GCC2: variants seen among roughly 807,000 people sequenced by gnomAD.
GCC2 encodes GRIP and coiled-coil domain containing 2, also known as GRIP and coiled-coil domain-containing protein 2.
Under a neutral mutation model 210.6 loss-of-function variants are expected in GCC2, and 120 were observed. That is an observed-to-expected ratio of 0.57 (90% CI 0.49 to 0.66). GCC2 has a LOEUF of 0.66. Among genes scored for constraint, GCC2 ranks in the 30% least tolerant of loss-of-function variants. The probability of loss-of-function intolerance (pLI) is 0.00; values close to 1 mark genes in which losing one functional copy is unlikely to be tolerated. For missense variants in GCC2, 1,868 were observed against 1,871.9 expected (o/e 1.00, Z 0.04); for synonymous variants, 703 against 652.7 (o/e 1.08, Z -1.17).
chr2:108,480,508 T>C (rs1224408534), intron 9 of GCC2, among the ~76,000 whole-genome samples: 1 of 152,162 alleles, frequency 6.6e-6, no homozygotes, highest in Non-Finnish European at 1.5e-5. Context: ...CCGAAAGGCC[T>C]GTCAGTGGTA....
In GCC2 at chr2:108,495,324, T is replaced by G. The variant is rs1257526463; in HGVS notation, c.4481T>G (p.Leu1494Arg). ...PVSSQQSLKN[L>R]RERRNTDLPL... Reference sequence around the variant, plus strand: ...TCCTCTCAACAATCTTTGAAGAACCTTCGAGAAAGGAGAAACACAGACCTC... The same window carrying G: ...TCCTCTCAACAATCTTTGAAGAACCGTCGAGAAAGGAGAAACACAGACCTC... The change falls in exon 20 of 23, where the codon CTT becomes CGT. Residue 1494 changes from leucine (L) to arginine (R), a missense_variant. By Grantham distance (102) the Leu-to-Arg change is moderately radical. Around this residue, in one of 3 missense-constraint regions of GCC2, gnomAD observed 1,847 missense variants for 1,765.2 expected, o/e 1.05. Transcript: ENST00000309863. 4 of 1,580,566 alleles carry G rather than the reference T, an allele frequency of 2.5e-6. No individual in the cohort carries two copies. In the South Asian group the frequency reaches 4.5e-5, roughly 18 times the overall value.
In GCC2 at chr2:108,453,508, A is replaced by G. The variant is rs189491579; in HGVS notation, c.216+1042A>G. 2.0e-5 allele frequency among the ~76,000 whole-genome samples: 3 copies of G among 152,258 alleles called. No homozygotes were observed. In the East Asian group the frequency reaches 5.8e-4, roughly 29 times the overall value. On this transcript the variant is annotated intron_variant, in intron 4 of 22. Transcript: ENST00000309863. ...GTTTAAAAACCTGAGTTGCAGGCCA[A>G]ATGCAGTGGCTCACACCTGTAATCC... is the stretch of plus-strand genomic sequence containing the variant.
chr2:108,485,671 A>G lies in GCC2; in HGVS notation c.3649A>G (p.Lys1217Glu), dbSNP rs776419181. The G allele has an allele frequency of 5.0e-6, 8 of 1,595,066 alleles. No homozygotes were observed. The highest frequency in any genetic ancestry group is 6.0e-6 in the Non-Finnish European group (7 of 1,172,218). Residue 1217 changes from lysine (K) to glutamate (E), a missense_variant, in exon 14 of 23, where the codon AAA (lysine) becomes GAA (glutamate). Coordinates refer to ENST00000309863, the MANE Select transcript of GCC2 (RefSeq NM_181453.4). ...GTCTTCAGTACAACAATATGAAGAA[A>G]AAAACACCAAAATCAAGCAATTGCT... is the stretch of plus-strand genomic sequence containing the variant. ...LQSSVQQYEE[K>E]NTKIKQLLVK...
At chr2:108,454,442 A>C (rs1247232017) in intron 4 of GCC2, among the ~76,000 whole-genome samples, 2 of 152,224 alleles carry the variant, frequency 1.3e-5, no homozygotes, top group Non-Finnish European at 2.9e-5. Context: ...ACAGTGTATG[A>C]AGCTAGAATG....
chr2:108,462,004 T>A (rs1680614681), intron 4 of GCC2, among the ~76,000 whole-genome samples: 3 of 145,844 alleles, frequency 2.1e-5, no homozygotes, highest in South Asian at 4.4e-4. Context: ...AGCTAATTTT[T>A]TTTTTTTGTA....
In GCC2 at chr2:108,449,264, G is replaced by C; in HGVS notation, c.-11G>C. The C allele has an allele frequency of 6.5e-7, 1 of 1,549,480 alleles. No individual in the cohort carries two copies. Among genetic ancestry groups the C allele is most frequent in the Admixed American group, 2.0e-5 (1 of 50,912 alleles). On this transcript the variant is annotated 5_prime_UTR_variant, in exon 1 of 23. Coordinates refer to ENST00000309863, the MANE Select transcript of GCC2 (RefSeq NM_181453.4). ...GGCGGCTGGTTGCGGGCCGGCGGCG[G>C]GCTGGCGGAGATGGAGGTAACTCAG...
At position 108,449,702 on chromosome 2, in the gene GCC2, C is replaced by T; in HGVS notation, c.63+13C>T. 2.5e-6 allele frequency: 4 copies of T among 1,607,506 alleles called. No individual in the cohort carries two copies. Among genetic ancestry groups the T allele is most frequent in the Non-Finnish European group, 3.4e-6 (4 of 1,174,212 alleles). ...CGGGAAATCTAAGGTGAAGAGAATA[C>T]TTGAATAGCGGGCTTCCTGAAGAGT... On this transcript the variant is annotated intron_variant, in intron 2 of 22. Coordinates refer to ENST00000309863, the MANE Select transcript of GCC2 (RefSeq NM_181453.4).
intron 3 of GCC2, among the ~76,000 whole-genome samples, chr2:108,451,838 TCTC>T (rs1055058811): frequency 1.4e-5 from 2 of 141,382 alleles, no homozygotes; most frequent in African/African-American, 2.6e-5. Context: ...TCTCTCTCTC[TCTC>T]TTTTTTTTTT....
In GCC2 at chr2:108,483,100, G is replaced by A. The variant is rs752586160; in HGVS notation, c.3384G>A (p.Gln1128=). The A allele has an allele frequency of 1.3e-6, 2 of 1,595,558 alleles. No homozygotes were observed. Among genetic ancestry groups the A allele is most frequent in the African/African-American group, 1.3e-5 (1 of 74,574 alleles). Residue 1128 remains glutamine, a synonymous_variant, in exon 12 of 23, where the codon CAG becomes CAA. Coordinates refer to ENST00000309863, the MANE Select transcript of GCC2 (RefSeq NM_181453.4). ...ATTVNELEEL[Q]VQLQKQKKQL... ...CTGTAAATGAACTTGAAGAACTTCA[G>A]GTACAACTTCAAAAGCAAAAGAAAC...
intron 21 of GCC2, among the ~76,000 whole-genome samples, chr2:108,498,726 G>A (rs1462434582): frequency 1.3e-5 from 2 of 152,044 alleles, no homozygotes; most frequent in African/African-American, 4.8e-5. Context: ...TTCTGATAGT[G>A]TTTTACATTA....
chr2:108,466,571 C>G (rs1680902684), intron 4 of GCC2, among the ~76,000 whole-genome samples: 1 of 152,002 alleles, frequency 6.6e-6, no homozygotes, highest in Non-Finnish European at 1.5e-5. Context: ...CTCCCGGGTT[C>G]ATGCCATTCT....
At chr2:108,466,439 A>G (rs1156785620) in intron 4 of GCC2, among the ~76,000 whole-genome samples, 1 of 151,904 alleles carries the variant, frequency 6.6e-6, no homozygotes, top group Non-Finnish European at 1.5e-5. Context: ...TGTGGTAAAT[A>G]TCTTCTCCCA....
At position 108,486,433 on chromosome 2, in the gene GCC2, A is replaced by G. The variant is rs771396102; in HGVS notation, c.3793-78A>G. On this transcript the variant is annotated intron_variant, in intron 15 of 22. Coordinates refer to ENST00000309863, the MANE Select transcript of GCC2 (RefSeq NM_181453.4). Reference sequence around the variant, plus strand: ...ATATGTACTTATGTCTCAAACCTAAAGTTTGTATTTTAAGGAAAACCTCTT... The same window carrying G: ...ATATGTACTTATGTCTCAAACCTAAGGTTTGTATTTTAAGGAAAACCTCTT... 107 of 1,395,444 alleles carry G rather than the reference A, an allele frequency of 7.7e-5. 2 individuals carry two copies. In the Middle Eastern group the frequency reaches 5.3e-3, roughly 69 times the overall value. The allele number at this position is 1,395,444 out of a possible 1,614,324, so 86.4% of individuals were successfully genotyped here. A position where few individuals can be genotyped will look rare whatever the true frequency, so the allele number is the denominator to read the frequency against.
intron 4 of GCC2, among the ~76,000 whole-genome samples, chr2:108,460,938 A>T (rs1484651457): frequency 6.6e-6 from 1 of 152,148 alleles, no homozygotes; most frequent in African/African-American, 2.4e-5. Context: ...ACCCTGTAAG[A>T]TGTGCCTCCT....
Position 108,476,638 on chromosome 2 carries a change from GAATTAAA to G in GCC2, c.3060+796_3060+802del, listed in dbSNP as rs530568738. 1.5e-3 allele frequency among the ~76,000 whole-genome samples: 221 copies of G among 152,094 alleles called. No homozygotes were observed. The Middle Eastern group carries it at 0.027, about 19-fold the overall frequency. ...TGAAAATGTATTATTAAAAAGATAA[GAATTAAA>G]AATTAAAGTACAACAAAATCACTGA... is the stretch of plus-strand genomic sequence containing the variant. On this transcript the variant is annotated intron_variant, in intron 9 of 22. Coordinates refer to ENST00000309863, the MANE Select transcript of GCC2 (RefSeq NM_181453.4).
rs773834644 is a variant in GCC2 at position 108,489,953 on chromosome 2, C to A, written c.4168C>A (p.Leu1390Ile). The change falls in exon 18 of 23, where the codon CTA becomes ATA. Residue 1390 changes from leucine (L) to isoleucine (I), a missense_variant. Coordinates refer to ENST00000309863, the MANE Select transcript of GCC2 (RefSeq NM_181453.4). ...QTLQSEHDTL[L>I]ERHNKMLQET... ...ATTGCAGTCTGAACATGATACACTG[C>A]TAGAAAGGCACAACAAGATGCTGCA... 4.3e-6 allele frequency: 7 copies of A among 1,611,574 alleles called. No homozygotes were observed. Among genetic ancestry groups the A allele is most frequent in the African/African-American group, 2.7e-5 (2 of 74,868 alleles).
At chr2:108,503,442 A>T (rs1184281301) in intron 22 of GCC2, among the ~76,000 whole-genome samples, 1 of 152,248 alleles carries the variant, frequency 6.6e-6, no homozygotes, top group Non-Finnish European at 1.5e-5. Context: ...AAAATTTCCT[A>T]GGTAAAAGGT....
intron 3 of GCC2, 119 bp downstream of exon 3, chr2:108,451,231 C>T (rs562849246): frequency 9.7e-6 from 6 of 619,688 alleles, no homozygotes; most frequent in African/African-American, 3.7e-5. Context: ...CCAAGTACAC[C>T]TTAGTGTAGT....
rs1178726008 is a variant in GCC2, at chr2:108,492,764, A to G, written c.4421A>G (p.Gln1474Arg). 1 of 1,613,422 alleles carries G rather than the reference A, an allele frequency of 6.2e-7. No homozygotes were observed. Among genetic ancestry groups the G allele is most frequent in the Non-Finnish European group, 8.5e-7 (1 of 1,179,302 alleles). The stretch of plus-strand genomic sequence containing the variant: ...TCCAAGATGGAAGCACAGCTCTTCC[A>G]GCTTAAGAATGAACCGACCACAAGA... ...QLSKMEAQLF[Q>R]LKNEPTTRSP... The change falls in exon 19 of 23, where the codon CAG (glutamine) becomes CGG (arginine). Residue 1474 changes from glutamine to arginine, a missense_variant. Transcript: ENST00000309863.
Sources: allele counts gnomAD v4.1 joint callset (sites outside exome capture counted in the v4.1 genomes callset), GRCh38; gene constraint gnomAD v4.1.1; regional missense constraint gnomAD v4.1.1; transcripts MANE v1.5; gene names NCBI Gene and HGNC (gene_info 2026-07-23, HGNC 2026-07-21).